The following SPAG16 variants were observed in gnomAD, a reference collection of about 807,000 sequenced individuals.
The protein encoded by SPAG16 is sperm associated antigen 16, also known as sperm-associated antigen 16 protein.
SPAG16 carries 86 observed loss-of-function variants against 80.4 expected under a neutral mutation model. The observed-to-expected ratio is 1.07, with a 90% CI of 0.90 to 1.28. SPAG16 has a LOEUF of 1.28. Among genes scored for constraint, SPAG16 ranks in the 50% most tolerant of loss-of-function variants. The pLI, the probability that SPAG16 is intolerant of heterozygous loss-of-function variation, is 0.00. For missense variants in SPAG16, 870 were observed against 765.3 expected (o/e 1.14, Z -1.61); for synonymous variants, 294 against 265.9 (o/e 1.11, Z -1.03).
intron 12 of SPAG16, among the ~76,000 whole-genome samples, chr2:213,961,298 T>G (rs1051219183): frequency 1.3e-5 from 2 of 152,232 alleles, no homozygotes; most frequent in African/African-American, 4.8e-5. Context: ...TTTTACAGTT[T>G]TATGTATATT....
intron 9 of SPAG16, among the ~76,000 whole-genome samples, chr2:213,426,339 G>A (rs932140837): frequency 2.0e-5 from 3 of 151,698 alleles, no homozygotes; most frequent in Middle Eastern, 3.2e-3. Context: ...ATAAGAAAAC[G>A]ATTCTCATTT....
chr2:214,150,229 G>A (rs1292089558), intron 15 of SPAG16, among the ~76,000 whole-genome samples: 1 of 152,002 alleles, frequency 6.6e-6, no homozygotes, highest in Non-Finnish European at 1.5e-5. Flanking sequence ...GAAGATAATT[G>A]TGTGTTTCTT....
At chr2:214,029,124 A>G (rs979078157) in intron 13 of SPAG16, among the ~76,000 whole-genome samples, 1 of 152,084 alleles carries the variant, frequency 6.6e-6, no homozygotes, top group Admixed American at 6.6e-5. Context: ...TCTAATTAAG[A>G]TACAGCTAGA....
intron 15 of SPAG16, among the ~76,000 whole-genome samples, chr2:214,292,632 T>C (rs988847264): frequency 6.6e-6 from 1 of 152,198 alleles, no homozygotes; most frequent in African/African-American, 2.4e-5. Context: ...CATTTTGAAT[T>C]ACTTTTCTGG....
At chr2:213,450,770 A>G (rs1178937377) in intron 9 of SPAG16, among the ~76,000 whole-genome samples, 3 of 152,196 alleles carry the variant, frequency 2.0e-5, no homozygotes, top group Non-Finnish European at 4.4e-5. Context: ...GTTTTAATCA[A>G]TATTCACCTG....
chr2:213,679,096 A>G (rs1326002896), intron 10 of SPAG16, among the ~76,000 whole-genome samples: 1 of 152,146 alleles, frequency 6.6e-6, no homozygotes, highest in Non-Finnish European at 1.5e-5. Flanking sequence ...CATGCAAATC[A>G]GCTCTTAAAA....
At chr2:213,932,949 AACACAC>A (rs3076792) in intron 12 of SPAG16, among the ~76,000 whole-genome samples, 31,189 of 143,952 alleles carry the variant, frequency 0.22, 3,947 homozygotes, top group East Asian at 0.39. Context: ...GTTGTTTGAA[AACACAC>A]ACACACACAC....
intron 9 of SPAG16, among the ~76,000 whole-genome samples, chr2:213,394,748 A>G (rs912814688): frequency 6.6e-6 from 1 of 152,190 alleles, no homozygotes; most frequent in Non-Finnish European, 1.5e-5. Flanking sequence ...TGAGTCATCC[A>G]AGATGTTGTG....
chr2:213,723,420 C>T (rs1038065196), intron 10 of SPAG16, among the ~76,000 whole-genome samples: 3 of 152,218 alleles, frequency 2.0e-5, no homozygotes, highest in African/African-American at 7.2e-5. Flanking sequence ...CGCCTTCTGT[C>T]TGTCTCATTT....
chr2:213,828,027 T>G (rs975351823), intron 10 of SPAG16, among the ~76,000 whole-genome samples: 1 of 152,164 alleles, frequency 6.6e-6, no homozygotes, highest in Non-Finnish European at 1.5e-5. Context: ...TGTATAACTT[T>G]CTTGTTCTTG....
chr2:214,216,655 A>C (rs138874174), intron 15 of SPAG16, among the ~76,000 whole-genome samples: 1 of 152,258 alleles, frequency 6.6e-6, no homozygotes, highest in Non-Finnish European at 1.5e-5. Flanking sequence ...CTTGGAGCAC[A>C]GTACATTTTT....
rs752031795 is a variant in SPAG16 at position 213,862,617 on chromosome 2, C to T, written c.1203C>T (p.Cys401=). 1.6e-5 allele frequency: 26 copies of T among 1,613,972 alleles called. No individual in the cohort carries two copies. The highest frequency in any genetic ancestry group is 1.4e-5 in the Non-Finnish European group (17 of 1,179,996). ...FGHTDWLSDC[C]FHPSGDKLAT... ...ACACTGACTGGCTTTCAGACTGCTG[C>T]TTCCATCCCAGGTCAGTGCACAGGA... Residue 401 remains cysteine (C), a synonymous_variant, in exon 11 of 16, where the codon TGC becomes TGT. Coordinates refer to ENST00000331683, the MANE Select transcript of SPAG16 (RefSeq NM_024532.5).
chr2:214,367,371 A>G (rs1222345179), intron 15 of SPAG16, among the ~76,000 whole-genome samples: 4 of 152,138 alleles, frequency 2.6e-5, no homozygotes, highest in South Asian at 2.1e-4. Context: ...GCATACTTTC[A>G]TTATCTTTCA....
intron 8 of SPAG16, among the ~76,000 whole-genome samples, chr2:213,374,795 A>G (rs1473008917): frequency 3.3e-5 from 5 of 152,184 alleles, no homozygotes; most frequent in African/African-American, 9.6e-5. Flanking sequence ...CTCACCATGT[A>G]TTTAATTAAC....
chr2:214,277,480 T>C (rs1692558846), intron 15 of SPAG16, among the ~76,000 whole-genome samples: 1 of 152,218 alleles, frequency 6.6e-6, no homozygotes, highest in Non-Finnish European at 1.5e-5. Context: ...GGTGTGGATG[T>C]CCTTTTTCTT....
chr2:213,805,391 A>G (rs2071703288), intron 10 of SPAG16, among the ~76,000 whole-genome samples: 1 of 152,220 alleles, frequency 6.6e-6, no homozygotes, highest in Non-Finnish European at 1.5e-5. Context: ...GTCTACCCTA[A>G]AGGAAAGAAT....
chr2:213,953,403 G>C (rs1325762654), intron 12 of SPAG16, among the ~76,000 whole-genome samples: 1 of 151,674 alleles, frequency 6.6e-6, no homozygotes, highest in Admixed American at 6.6e-5. Context: ...ACTTACAGAA[G>C]AAAAAGTATA....
At chr2:213,873,538 A>G (rs1236425303) in intron 11 of SPAG16, among the ~76,000 whole-genome samples, 2 of 150,586 alleles carry the variant, frequency 1.3e-5, no homozygotes, top group African/African-American at 2.4e-5. Flanking sequence ...ATTTGGATTT[A>G]TTTTTCTCTT....
At chr2:213,603,958 A>G (rs2061162211) in intron 10 of SPAG16, among the ~76,000 whole-genome samples, 1 of 148,838 alleles carries the variant, frequency 6.7e-6, no homozygotes, top group Non-Finnish European at 1.5e-5. Flanking sequence ...GAGTCTCACT[A>G]AGTTGGCCAG....
Sources: allele counts gnomAD v4.1 joint callset (sites outside exome capture counted in the v4.1 genomes callset), GRCh38; gene constraint gnomAD v4.1.1; transcripts MANE v1.5; gene names NCBI Gene and HGNC (gene_info 2026-07-23, HGNC 2026-07-21).